The following GLIS1 variants were observed in gnomAD, a reference collection of about 807,000 sequenced individuals.
GLIS1 encodes the protein GLIS family zinc finger 1, also known as zinc finger protein GLIS1.
Under a neutral mutation model 63.8 loss-of-function variants are expected in GLIS1, and 24 were observed. That is an observed-to-expected ratio of 0.38 (90% CI 0.27 to 0.53). The LOEUF is 0.53. Ranked by LOEUF, GLIS1 falls within the 20% of genes least tolerant of loss-of-function variation. The pLI, the probability that GLIS1 is intolerant of heterozygous loss-of-function variation, is 0.85. For missense variants in GLIS1, 1,036 were observed against 1,074.1 expected, an observed-to-expected ratio of 0.96 and a Z score of 0.50; for synonymous variants, 450 against 482.5, an observed-to-expected ratio of 0.93 and a Z score of 0.88.
chr1:53,585,227 G>C (rs1645122679), intron 4 of GLIS1, among the ~76,000 whole-genome samples: 1 of 152,028 alleles, frequency 6.6e-6, no homozygotes, highest in African/African-American at 2.4e-5. Context: ...ATGGGGAGGT[G>C]GGGGAAGGAA....
At chr1:53,628,127 G>GCCTTGCTGTGC (rs1415232640) in intron 2 of GLIS1, among the ~76,000 whole-genome samples, 2 of 132,848 alleles carry the variant, frequency 1.5e-5, no homozygotes, top group African/African-American at 5.1e-5. Context: ...CAGGCCTTTA[G>GCCTTGCTGTGC]CCTTGCTGTG....
At chr1:53,683,062 G>T (rs1020561059) in intron 2 of GLIS1, among the ~76,000 whole-genome samples, 2 of 152,212 alleles carry the variant, frequency 1.3e-5, no homozygotes, top group Non-Finnish European at 2.9e-5. Context: ...CAGGTCAAGG[G>T]AATGGTCTGT....
At chr1:53,585,164 T>C (rs1299839307) in intron 4 of GLIS1, among the ~76,000 whole-genome samples, 1 of 152,178 alleles carries the variant, frequency 6.6e-6, no homozygotes, top group African/African-American at 2.4e-5. Flanking sequence ...TCAAATTTGG[T>C]GCTCCTGGGA....
intron 4 of GLIS1, among the ~76,000 whole-genome samples, chr1:53,571,330 G>A (rs535925957): frequency 1.8e-4 from 27 of 152,272 alleles, no homozygotes; most frequent in African/African-American, 5.1e-4. Context: ...AAAACAAGCC[G>A]GCATTTTCAT....
At chr1:53,685,729 G>A (rs1483710906) in intron 2 of GLIS1, among the ~76,000 whole-genome samples, 1 of 152,076 alleles carries the variant, frequency 6.6e-6, no homozygotes, top group Non-Finnish European at 1.5e-5. Flanking sequence ...CAAATAGTGG[G>A]TCCTAACCCA....
In GLIS1 at chr1:53,598,323, G is replaced by A. The variant is rs1645280384; in HGVS notation, c.437+1778C>T. Among the ~76,000 whole-genome samples the A allele has an allele frequency of 6.6e-6, 1 of 152,132 alleles. No individual in the cohort carries two copies. The highest frequency in any genetic ancestry group is 6.5e-5 in the Admixed American group (1 of 15,276). On this transcript the variant is annotated intron_variant, in intron 3 of 10. Coordinates refer to ENST00000628545, the MANE Select transcript of GLIS1 (RefSeq NM_001367484.1). The surrounding 1 kb of genome is among the most constrained non-coding windows in gnomAD (Gnocchi z 4.6). ...TTTGGGAGGCTGAGGCAGGTGAATT[G>A]CTTGAGCCCAGGAGTTCAAGACCAG...
chr1:53,525,252 A>G (rs1644453866), intron 5 of GLIS1, among the ~76,000 whole-genome samples: 1 of 151,562 alleles, frequency 6.6e-6, no homozygotes, highest in Non-Finnish European at 1.5e-5. Flanking sequence ...TTGAGCAGAC[A>G]GGGAGTGCAG....
chr1:53,660,218 C>T (rs1646011887), intron 2 of GLIS1, among the ~76,000 whole-genome samples: 1 of 152,208 alleles, frequency 6.6e-6, no homozygotes, highest in African/African-American at 2.4e-5. Context: ...GCCTCATTTC[C>T]ATCTTGCAGA....
rs535699996 is a variant in GLIS1, at chr1:53,683,143, C to CA, written c.259+54662dup. Among the ~76,000 whole-genome samples the CA allele has an allele frequency of 1.4e-3, 217 of 151,288 alleles. 1 individual carries two copies. The highest frequency in any genetic ancestry group is 5.2e-3 in the African/African-American group (213 of 41,102). ...GGAAAGAAGGCGAGTTCAGTCCTGGCATATGGAGTCTGGGGTCCCACTTCT... is the reference window on the plus strand; with the variant it reads ...GGAAAGAAGGCGAGTTCAGTCCTGGCAATATGGAGTCTGGGGTCCCACTTCT... On this transcript the variant is annotated intron_variant, in intron 2 of 10. Transcript: ENST00000628545.
chr1:53,666,113 G>C (rs1646088482), intron 2 of GLIS1, among the ~76,000 whole-genome samples: 1 of 152,180 alleles, frequency 6.6e-6, no homozygotes, highest in African/African-American at 2.4e-5. Flanking sequence ...GTGAAGCCAG[G>C]CTTTGAACCT....
At chr1:53,524,220 G>A (rs998034015) in intron 6 of GLIS1, among the ~76,000 whole-genome samples, 2 of 152,176 alleles carry the variant, frequency 1.3e-5, no homozygotes, top group African/African-American at 2.4e-5. Context: ...AGCAAGCCCC[G>A]CGGGCCCACT....
At chr1:53,605,802 C>T (rs1017617827) in intron 2 of GLIS1, among the ~76,000 whole-genome samples, 1 of 152,170 alleles carries the variant, frequency 6.6e-6, no homozygotes, top group Non-Finnish European at 1.5e-5. Context: ...GACACCTGGG[C>T]CCCCCAGGCA....
chr1:53,599,498 G>A (rs1645294011), intron 3 of GLIS1, among the ~76,000 whole-genome samples: 1 of 152,256 alleles, frequency 6.6e-6, no homozygotes, highest in Admixed American at 6.5e-5. Context: ...CTCCAAAAAT[G>A]TAAGACATAA....
chr1:53,696,477 G>A (rs1646466150), intron 2 of GLIS1, among the ~76,000 whole-genome samples: 2 of 152,208 alleles, frequency 1.3e-5, no homozygotes, highest in African/African-American at 2.4e-5. Context: ...CCATCTGAAA[G>A]ATCGAAAAAT....
intron 4 of GLIS1, among the ~76,000 whole-genome samples, chr1:53,542,077 C>T (rs1177382617): frequency 6.6e-6 from 1 of 152,252 alleles, no homozygotes; most frequent in Non-Finnish European, 1.5e-5. Flanking sequence ...GCCTCCTCCC[C>T]AAATGCCCCA....
At chr1:53,722,158 G>A (rs567733164) in intron 2 of GLIS1, among the ~76,000 whole-genome samples, 33 of 152,278 alleles carry the variant, frequency 2.2e-4, no homozygotes, top group Admixed American at 3.3e-4. Context: ...AGTTCCATGA[G>A]ACAGCAATGC....
At chr1:53,558,817 C>A (rs568626) in intron 4 of GLIS1, among the ~76,000 whole-genome samples, 1 of 152,202 alleles carries the variant, frequency 6.6e-6, no homozygotes, top group South Asian at 2.1e-4. Flanking sequence ...GGCCCCGACA[C>A]GTGTTGAATA....
chr1:53,660,970 G>A (rs1410055858), intron 2 of GLIS1, among the ~76,000 whole-genome samples: 1 of 152,158 alleles, frequency 6.6e-6, no homozygotes, highest in Non-Finnish European at 1.5e-5. Flanking sequence ...ATGTGTGCTG[G>A]CAGACCCATG....
chr1:53,724,499 T>C (rs1409566324), intron 2 of GLIS1, among the ~76,000 whole-genome samples: 1 of 152,112 alleles, frequency 6.6e-6, no homozygotes, highest in Admixed American at 6.5e-5. Context: ...CACAAGGTAG[T>C]TTTAAGATTA....
Sources: gnomAD v4.1 joint callset for allele counts (sites outside exome capture counted in the v4.1 genomes callset) on GRCh38, gnomAD v4.1.1 for gene constraint, Gnocchi (gnomAD v3.1) non-coding constraint, MANE v1.5 for transcripts, NCBI Gene and HGNC (gene_info 2026-07-23, HGNC 2026-07-21) for gene names.